Variants in IGSF22 observed in about 807,000 individuals in gnomAD.
IGSF22 encodes immunoglobulin superfamily, member 22.
Under a neutral mutation model 127.0 loss-of-function variants are expected in IGSF22, and 119 were observed. The ratio of observed to expected loss-of-function variants is 0.94; its 90% CI spans 0.81 to 1.09. IGSF22 has a LOEUF of 1.09. IGSF22 is among the 50% of genes least tolerant of loss of function. IGSF22 has a pLI of 0.00. For missense variants in IGSF22, 1,518 were observed against 1,716.6 expected, an observed-to-expected ratio of 0.88 and a Z score of 2.04; for synonymous variants, 568 against 664.7, an observed-to-expected ratio of 0.85 and a Z score of 2.24.
rs1554905517 is a variant in IGSF22, at chr11:18,719,891, G to A, written c.521C>T (p.Ala174Val). 3 of 1,613,952 alleles carry A rather than the reference G, an allele frequency of 1.9e-6. No individual in the cohort carries two copies. Among genetic ancestry groups the A allele is most frequent in the Non-Finnish European group, 2.5e-6 (3 of 1,179,986 alleles). ...CTGCTTCTTCTTGGGAGCAGGGGGTGCCCTAGGAGAAGGAGGAAGGGACTA... is the reference window on the plus strand; with the variant it reads ...CTGCTTCTTCTTGGGAGCAGGGGGTACCCTAGGAGAAGGAGGAAGGGACTA... ...MDFKKMLKKR[A>V]PPAPKKKQKK... The change falls in exon 7 of 23, where the codon GCA becomes GTA. Residue 174 changes from alanine to valine, a missense_variant and splice_region_variant. This residue lies in a region of IGSF22 where 1,456 missense variants were observed against 1,644.9 expected (regional missense o/e 0.89). Transcript: ENST00000513874.
chr11:18,707,197 G>C lies in IGSF22; in HGVS notation c.3297C>G (p.Pro1099=), dbSNP rs188262184. 2.0e-6 allele frequency: 3 copies of C among 1,531,092 alleles called. No homozygotes were observed. In the East Asian group the frequency reaches 7.4e-5, roughly 38 times the overall value. The allele number at this position is 1,531,092 out of a possible 1,614,324, so 94.8% of individuals were successfully genotyped here. The change falls in exon 21 of 23, where the codon CCC becomes CCG. Residue 1099 remains proline, a synonymous_variant. Coordinates refer to ENST00000513874, the MANE Select transcript of IGSF22 (RefSeq NM_173588.4). ...CTTCCTCAAACAACCGTAGGTTTGT[G>C]GGGGGCCGAGGGAAATCTGGAAGAG... ...HVRVADFPRP[P]TNLRLFEEVP...
At chr11:18,712,004 G>A in intron 15 of IGSF22, 78 bp downstream of exon 15, 1 of 1,222,546 alleles carries the variant, frequency 8.2e-7, no homozygotes, top group Non-Finnish European at 1.1e-6. Flanking sequence ...ATTCCCCACA[G>A]ATCAGTGTTC....
chr11:18,706,781 T>TC lies in IGSF22; in HGVS notation c.3580+132dup, dbSNP rs1848244795. 4.3e-6 allele frequency: 3 copies of TC among 696,446 alleles called. No homozygotes were observed. In the South Asian group the frequency reaches 7.3e-5, roughly 17 times the overall value. 43.1% of individuals were successfully genotyped at this position (696,446 alleles called of 1,614,324 possible). On this transcript the variant is annotated intron_variant, in intron 21 of 22. Transcript: ENST00000513874. The stretch of plus-strand genomic sequence containing the variant: ...CCAATATTTCCTTCTCTCCGCAGCG[T>TC]CCCAGATATTAACCGTTCTATCTCA...
intron 22 of IGSF22, among the ~76,000 whole-genome samples, chr11:18,705,256 A>C (rs1249180693): frequency 6.6e-6 from 1 of 152,214 alleles, no homozygotes; most frequent in Non-Finnish European, 1.5e-5. Context: ...TTTAGAGTTC[A>C]TGCTGCTAGC....
chr11:18,718,419 G>A (rs1848502178), intron 8 of IGSF22, among the ~76,000 whole-genome samples, 196 bp downstream of exon 8: 1 of 152,194 alleles, frequency 6.6e-6, no homozygotes, highest in Non-Finnish European at 1.5e-5. Flanking sequence ...CATAGAGAGA[G>A]GAATGTGACT....
chr11:18,721,813 G>T, intron 3 of IGSF22, 97 bp downstream of exon 3: 3 of 1,590,656 alleles, frequency 1.9e-6, no homozygotes, highest in Admixed American at 3.4e-5. Flanking sequence ...CTCTGCCAGG[G>T]TTTAGCATTG....
At chr11:18,717,779 T>A (rs759505158) in intron 9 of IGSF22, 152 bp downstream of exon 9, 18 of 773,010 alleles carry the variant, frequency 2.3e-5, no homozygotes, top group Non-Finnish European at 3.7e-5. Context: ...CATCTGATGC[T>A]TCCTCCCTCC....
At chr11:18,708,334 C>A in intron 18 of IGSF22, 39 bp from the exon 19 acceptor site, 1 of 1,473,964 alleles carries the variant, frequency 6.8e-7, no homozygotes, top group South Asian at 1.4e-5. Flanking sequence ...ATGGATCTGT[C>A]TTTCAAGAAG....
chr11:18,722,592 A>G (rs950568701), intron 2 of IGSF22, among the ~76,000 whole-genome samples: 7 of 147,678 alleles, frequency 4.7e-5, no homozygotes, highest in African/African-American at 1.3e-4. Context: ...CACATCTTCA[A>G]TGTGGAAATA....
Position 18,716,981 on chromosome 11 carries a change from C to A in IGSF22, c.993G>T (p.Leu331=), listed in dbSNP as rs952230537. Residue 331 remains leucine (L), a synonymous_variant, in exon 10 of 23, where the codon CTG becomes CTT. Transcript: ENST00000513874. This position sits in a 1 kb window ranked among gnomAD's most constrained non-coding sequence, Gnocchi z 4.5. ...TCACCTTCACAGGCTTCATCTCTCC[C>A]AGGAACTTCAGTGGCTCATCTGCAG... ...LTVLDEPLKF[L]GEMKPVKVTE... is the part of the protein sequence containing the mutation. 4.3e-6 allele frequency: 7 copies of A among 1,614,136 alleles called. No homozygotes were observed. Among genetic ancestry groups the A allele is most frequent in the Non-Finnish European group, 5.9e-6 (7 of 1,179,984 alleles).
rs113825163 is a variant in IGSF22 at position 18,712,064 on chromosome 11, C to T, written c.2398+18G>A. 7 of 1,539,158 alleles carry T rather than the reference C, an allele frequency of 4.5e-6. No homozygotes were observed. In the African/African-American group the frequency reaches 8.2e-5, roughly 18 times the overall value. ...TGACCCCTGGGTTCCCCACTGAGCA[C>T]CAGGCTATCTCACTGACCTATGGGA... On this transcript the variant is annotated intron_variant, in intron 15 of 22. Transcript: ENST00000513874.
chr11:18,705,638 A>C (rs868705001), intron 22 of IGSF22, 179 bp downstream of exon 22: 5 of 619,196 alleles, frequency 8.1e-6, no homozygotes, highest in African/African-American at 1.8e-5. Context: ...CAGGCATATA[A>C]CAAATGACAT....
chr11:18,706,968 C>CG lies in IGSF22; in HGVS notation c.3525dup (p.Gly1176ArgfsTer2), dbSNP rs771050426. The CG allele has an allele frequency of 4.1e-5, 63 of 1,541,408 alleles. No homozygotes were observed. Among genetic ancestry groups the CG allele is most frequent in the Admixed American group, 5.9e-5 (3 of 50,484 alleles). ...CTGGAGTCAAGTGGCTCACTGTCAC[C>CG]GATTTCATTCCGAGCCACCACTCTG... On this transcript the variant is annotated frameshift_variant, in exon 21 of 23. Coordinates refer to ENST00000513874, the MANE Select transcript of IGSF22 (RefSeq NM_173588.4). LOFTEE classifies it high-confidence loss of function.
At chr11:18,718,312 T>C (rs953493483) in intron 8 of IGSF22, among the ~76,000 whole-genome samples, 13 of 152,196 alleles carry the variant, frequency 8.5e-5, no homozygotes, top group African/African-American at 3.1e-4. Flanking sequence ...TTAATATGCA[T>C]GAGTTCATTA....
At chr11:18,711,933 T>G in intron 15 of IGSF22, 149 bp downstream of exon 15, 1 of 684,892 alleles carries the variant, frequency 1.5e-6, no homozygotes, top group Non-Finnish European at 2.5e-6. Flanking sequence ...CAAAATGATG[T>G]TCTGTTTTTA....
chr11:18,721,604 C>T lies in IGSF22; in HGVS notation c.309G>A (p.Glu103=). The change falls in exon 4 of 23, where the codon GAG becomes GAA. Residue 103 remains glutamate (E), a synonymous_variant. Coordinates refer to ENST00000513874, the MANE Select transcript of IGSF22 (RefSeq NM_173588.4). ...CGGACTCCTTGATGGGGATGCCGCT[C>T]TCCCTCTTCCAGGAGATGTGGGGTT... The part of the protein sequence containing the change: ...NAKPHISWKR[E]SGIPIKESAK... 6.2e-7 allele frequency: 1 copy of T among 1,614,262 alleles called. No homozygotes were observed. The highest frequency in any genetic ancestry group is 1.1e-5 in the South Asian group (1 of 91,092).
chr11:18,705,780 T>A (rs538222440), intron 22 of IGSF22, 37 bp downstream of exon 22: 22 of 1,495,628 alleles, frequency 1.5e-5, no homozygotes, highest in Non-Finnish European at 2.0e-5. Context: ...TTTGCGCCTC[T>A]CCCCCTCCTC....
intron 19 of IGSF22, 81 bp downstream of exon 19, chr11:18,708,126 A>C: frequency 6.6e-7 from 1 of 1,524,966 alleles, no homozygotes. Context: ...AGTCAGAGTC[A>C]GAGTCAGAGA....
At position 18,714,294 on chromosome 11, in the gene IGSF22, G is replaced by C. The variant is rs1306795529; in HGVS notation, c.1781C>G (p.Ala594Gly). The C allele has an allele frequency of 1.2e-6, 2 of 1,613,910 alleles. No homozygotes were observed. The highest frequency in any genetic ancestry group is 1.7e-6 in the Non-Finnish European group (2 of 1,179,904). ...ATCCATACCTGCGATGAATACAGAG[G>C]CTTCACTTTCCGTGCCCTTGGCCCG... ...TFRAKGTESE[A>G]SVFIADPPTI... Residue 594 changes from alanine to glycine, a missense_variant, in exon 13 of 23, where the codon GCC becomes GGC. Coordinates refer to ENST00000513874, the MANE Select transcript of IGSF22 (RefSeq NM_173588.4).
Sources: allele counts gnomAD v4.1 joint callset (sites outside exome capture counted in the v4.1 genomes callset), GRCh38; gene constraint gnomAD v4.1.1; regional missense constraint gnomAD v4.1.1; non-coding constraint Gnocchi (gnomAD v3.1); transcripts MANE v1.5; gene names NCBI Gene and HGNC (gene_info 2026-07-23, HGNC 2026-07-21).